The following PREX1 variants were observed in gnomAD, a reference collection of about 807,000 sequenced individuals.
PREX1 encodes phosphatidylinositol 3,4,5-trisphosphate-dependent Rac exchanger 1 protein.
In PREX1, 41 loss-of-function variants were observed where a neutral mutation model predicts 198.3. That is an observed-to-expected ratio of 0.21 (90% CI 0.16 to 0.27). The LOEUF is 0.27. Ranked by LOEUF, PREX1 falls within the 10% of genes least tolerant of loss-of-function variation. PREX1 has a pLI of 1.00. For missense variants in PREX1, 1,620 were observed against 2,200.7 expected (o/e 0.74, Z 5.28); for synonymous variants, 843 against 887.2 (o/e 0.95, Z 0.89).
chr20:48,715,683 C>T (rs1290397284), intron 5 of PREX1, among the ~76,000 whole-genome samples: 2 of 152,090 alleles, frequency 1.3e-5, no homozygotes, highest in African/African-American at 2.4e-5. Context: ...TTATCATCAT[C>T]GTCATTATGT....
chr20:48,629,903 C>A (rs997949276), intron 36 of PREX1, among the ~76,000 whole-genome samples: 1 of 152,172 alleles, frequency 6.6e-6, no homozygotes, highest in Admixed American at 6.5e-5. Flanking sequence ...CCAGGTGTGT[C>A]CCCAGTGAAG....
At chr20:48,802,720 G>C (rs1480855657) in intron 1 of PREX1, among the ~76,000 whole-genome samples, 1 of 152,206 alleles carries the variant, frequency 6.6e-6, no homozygotes, top group Non-Finnish European at 1.5e-5. Context: ...CCCCATGCCT[G>C]GCACACAGTA....
intron 1 of PREX1, among the ~76,000 whole-genome samples, chr20:48,751,729 TC>T (rs147577204): frequency 0.034 from 5,175 of 152,306 alleles, 149 homozygotes; most frequent in African/African-American, 0.077. Context: ...TCTCAGGATT[TC>T]CAGGGCTGCC....
In PREX1 at chr20:48,636,620, G is replaced by T; in HGVS notation, c.4010C>A (p.Thr1337Asn). The change falls in exon 32 of 40, where the codon ACC (threonine) becomes AAC (asparagine). Residue 1337 changes from threonine to asparagine, a missense_variant. Coordinates refer to ENST00000371941, the MANE Select transcript of PREX1 (RefSeq NM_020820.4). Reference protein sequence around the residue: ...FCQALVAAVCTFSKQLLAALG... With the variant: ...FCQALVAAVCNFSKQLLAALG... ...GGCCGCCAGCAGCTGCTTGGAGAAG[G>T]TGCACACGGCGGCCACCAGGGCCTG... The T allele has an allele frequency of 6.2e-7, 1 of 1,611,670 alleles. No homozygotes were observed.
chr20:48,668,684 G>A (rs1013187612), intron 14 of PREX1, among the ~76,000 whole-genome samples: 1 of 152,244 alleles, frequency 6.6e-6, no homozygotes, highest in Non-Finnish European at 1.5e-5. Flanking sequence ...CACACTGCCT[G>A]CCCTGGCTGA....
rs536364691 is a variant in PREX1, at chr20:48,667,732, C to T, written c.1666-1377G>A. Among the ~76,000 whole-genome samples, 14 of 152,364 alleles carry T rather than the reference C, an allele frequency of 9.2e-5. No homozygotes were observed. In the East Asian group the frequency reaches 1.7e-3, roughly 19 times the overall value. On this transcript the variant is annotated intron_variant, in intron 14 of 39. Transcript: ENST00000371941. Reference sequence around the variant, plus strand: ...CCGAAACGTGAAGAATGAACAGGCACGGCCCGTGTGCTGGACCCTGCGGGT... The same window carrying T: ...CCGAAACGTGAAGAATGAACAGGCATGGCCCGTGTGCTGGACCCTGCGGGT...
At chr20:48,667,701 T>C (rs924482491) in intron 14 of PREX1, among the ~76,000 whole-genome samples, 1 of 152,218 alleles carries the variant, frequency 6.6e-6, no homozygotes, top group East Asian at 1.9e-4. Context: ...GGAAGTGACA[T>C]CCAACCCGAA....
In PREX1 at chr20:48,827,978, T is replaced by C. The variant is rs2123096312; in HGVS notation, c.-118A>G. ...GGCCGGGCTCAGCGGCGGGCCGGGC[T>C]CCCGGCGCGGCGGGCGGGACTGGGG... On this transcript the variant is annotated 5_prime_UTR_variant, in exon 1 of 40. Coordinates refer to ENST00000371941, the MANE Select transcript of PREX1 (RefSeq NM_020820.4). The surrounding 1 kb of genome is among the most constrained non-coding windows in gnomAD (Gnocchi z 4.1). 2 of 264,982 alleles carry C rather than the reference T, an allele frequency of 7.5e-6. No homozygotes were observed. The highest frequency in any genetic ancestry group is 1.1e-5 in the Non-Finnish European group (2 of 176,110). 16.4% of individuals were successfully genotyped at this position (264,982 alleles called of 1,614,324 possible). A position where few individuals can be genotyped will look rare whatever the true frequency, so the allele number is the denominator to read the frequency against.
intron 1 of PREX1, among the ~76,000 whole-genome samples, chr20:48,760,296 A>AT (rs2090173570): frequency 6.6e-6 from 1 of 151,714 alleles, no homozygotes; most frequent in African/African-American, 2.4e-5. Context: ...ATCCCACACT[A>AT]TTTTTACTTA....
At chr20:48,745,210 C>G (rs1314285714) in intron 2 of PREX1, 63 bp from the exon 3 acceptor site, 1 of 1,527,472 alleles carries the variant, frequency 6.5e-7, no homozygotes, top group African/African-American at 1.4e-5. Context: ...AAGCCAAGCA[C>G]TGAAAAAATA....
chr20:48,878,341 C>T, the PREX1 span, among the ~76,000 whole-genome samples: 8 of 151,916 alleles, frequency 5.3e-5, no homozygotes, highest in Admixed American at 4.6e-4. Context: ...CCAGAATTCC[C>T]CTTTTTCTTT....
At chr20:48,680,275 G>A (rs995006836) in intron 11 of PREX1, among the ~76,000 whole-genome samples, 5 of 152,042 alleles carry the variant, frequency 3.3e-5, no homozygotes, top group African/African-American at 9.7e-5. Context: ...ACACTGGCCC[G>A]AACCACCTTC....
the PREX1 span, among the ~76,000 whole-genome samples, chr20:48,879,934 C>T: frequency 1.3e-5 from 2 of 152,336 alleles, no homozygotes; most frequent in African/African-American, 2.4e-5. Context: ...CTAACTCTTC[C>T]TCCATGGTGG....
chr20:48,692,598 A>T, intron 8 of PREX1, 74 bp downstream of exon 8: 2 of 1,242,604 alleles, frequency 1.6e-6, no homozygotes, highest in Non-Finnish European at 2.3e-6. Context: ...AAATATATTT[A>T]AATGAAACAG....
chr20:48,836,934 G>T, the PREX1 span, among the ~76,000 whole-genome samples: 1 of 140,254 alleles, frequency 7.1e-6, no homozygotes, highest in Admixed American at 7.2e-5. Context: ...AAAGAACCTC[G>T]CTCTGCCAGC....
chr20:48,649,042 C>G lies in PREX1; in HGVS notation c.3305+258G>C, dbSNP rs73911608. 8.8e-3 allele frequency among the ~76,000 whole-genome samples: 1,346 copies of G among 152,254 alleles called. 21 individuals carry two copies. Among genetic ancestry groups the G allele is most frequent in the African/African-American group, 0.028 (1,182 of 41,544 alleles). ...CTATATCCATAATATTTCATTACAC[C>G]AGTGGTTCTCAGTCAGGGATGATTT... On this transcript the variant is annotated intron_variant, in intron 25 of 39. Transcript: ENST00000371941.
At chr20:48,740,406 G>A (rs1379700220) in intron 3 of PREX1, among the ~76,000 whole-genome samples, 1 of 152,236 alleles carries the variant, frequency 6.6e-6, no homozygotes, top group South Asian at 2.1e-4. Flanking sequence ...ACCTGTCTGA[G>A]GCGGTACACC....
intron 39 of PREX1, among the ~76,000 whole-genome samples, chr20:48,626,229 T>C (rs558394208): frequency 7.2e-5 from 11 of 152,314 alleles, no homozygotes; most frequent in African/African-American, 2.6e-4. Flanking sequence ...GGGGGCCAGA[T>C]GGCCACAGCA....
At chr20:48,629,320 AG>A in intron 37 of PREX1, 128 bp downstream of exon 37, 1 of 1,242,458 alleles carries the variant, frequency 8.0e-7, no homozygotes. Flanking sequence ...GACAGAGCCA[AG>A]GCTCTACAGG....
Sources: allele counts gnomAD v4.1 joint callset (sites outside exome capture counted in the v4.1 genomes callset), GRCh38; gene constraint gnomAD v4.1.1; non-coding constraint Gnocchi (gnomAD v3.1); transcripts MANE v1.5; gene names NCBI Gene and HGNC (gene_info 2026-07-23, HGNC 2026-07-21).